The following KCNH7 variants were observed in gnomAD, a reference collection of about 807,000 sequenced individuals.
KCNH7 encodes the protein voltage-gated inwardly rectifying potassium channel KCNH7.
In KCNH7, 49 loss-of-function variants were observed where a neutral mutation model predicts 120.8. The ratio of observed to expected loss-of-function variants is 0.41; its 90% CI spans 0.32 to 0.51. The LOEUF (loss-of-function observed/expected upper bound fraction) is 0.51. KCNH7 is among the 20% of genes least tolerant of loss of function. KCNH7 has a pLI of 0.38. For missense variants in KCNH7, 1,097 were observed against 1,446.6 expected, an observed-to-expected ratio of 0.76 and a Z score of 3.92; for synonymous variants, 547 against 516.1, an observed-to-expected ratio of 1.06 and a Z score of -0.81.
intron 2 of KCNH7, among the ~76,000 whole-genome samples, chr2:162,835,628 A>G (rs994196997): frequency 1.3e-5 from 2 of 151,804 alleles, no homozygotes; most frequent in Non-Finnish European, 1.5e-5. Flanking sequence ...ATAGATATAT[A>G]TAGATATAGA....
chr2:162,604,731 C>T (rs1177213102), intron 2 of KCNH7, among the ~76,000 whole-genome samples: 1 of 151,992 alleles, frequency 6.6e-6, no homozygotes, highest in Non-Finnish European at 1.5e-5. Flanking sequence ...CTCTATTTAT[C>T]GTTTTTGATT....
chr2:162,721,414 C>T (rs1433336616), intron 2 of KCNH7, among the ~76,000 whole-genome samples: 1 of 152,070 alleles, frequency 6.6e-6, no homozygotes, highest in African/African-American at 2.4e-5. Context: ...TTTATTTTTA[C>T]CCCAATATCT....
intron 2 of KCNH7, among the ~76,000 whole-genome samples, chr2:162,668,472 A>G (rs532505766): frequency 6.6e-6 from 1 of 152,314 alleles, no homozygotes; most frequent in Admixed American, 6.5e-5. Context: ...ATCACAAGCC[A>G]CCACTGATGT....
chr2:162,710,148 T>C (rs1260571852), intron 2 of KCNH7, among the ~76,000 whole-genome samples: 1 of 152,116 alleles, frequency 6.6e-6, no homozygotes, highest in Non-Finnish European at 1.5e-5. Flanking sequence ...TCGTATGAAA[T>C]AAATCTGACA....
chr2:162,825,698 G>A (rs1685257321), intron 2 of KCNH7, among the ~76,000 whole-genome samples: 1 of 151,792 alleles, frequency 6.6e-6, no homozygotes, highest in Admixed American at 6.6e-5. Flanking sequence ...AATAATTGTT[G>A]GTAATATTCT....
chr2:162,808,656 T>C (rs954252167), intron 2 of KCNH7, among the ~76,000 whole-genome samples: 1 of 152,118 alleles, frequency 6.6e-6, no homozygotes. Context: ...CTTGATACTC[T>C]ATTTGTTCAG....
chr2:162,570,825 G>A (rs1171172219), intron 2 of KCNH7, among the ~76,000 whole-genome samples: 1 of 151,906 alleles, frequency 6.6e-6, no homozygotes, highest in Non-Finnish European at 1.5e-5. Context: ...TGCAGAAAAG[G>A]CCTTTGACAA....
chr2:162,640,381 T>C (rs1458974904), intron 2 of KCNH7, among the ~76,000 whole-genome samples: 3 of 152,066 alleles, frequency 2.0e-5, no homozygotes, highest in Non-Finnish European at 4.4e-5. Flanking sequence ...ACACAGTACC[T>C]AGAAATAGAC....
chr2:162,786,648 A>C (rs1255191068), intron 2 of KCNH7, among the ~76,000 whole-genome samples: 2 of 152,234 alleles, frequency 1.3e-5, no homozygotes, highest in Non-Finnish European at 2.9e-5. Context: ...ATTAAAAAAA[A>C]TTCTAAATGT....
At chr2:162,702,120 T>G (rs559529256) in intron 2 of KCNH7, among the ~76,000 whole-genome samples, 76 of 152,244 alleles carry the variant, frequency 5.0e-4, no homozygotes, top group Non-Finnish European at 9.1e-4. Flanking sequence ...AAAAATTTTT[T>G]CAAAATATTC....
intron 2 of KCNH7, among the ~76,000 whole-genome samples, chr2:162,645,054 T>C (rs1327331645): frequency 2.6e-5 from 4 of 152,202 alleles, no homozygotes; most frequent in Non-Finnish European, 4.4e-5. Flanking sequence ...TTCTGCTCTG[T>C]TTTAGCAAAA....
chr2:162,387,599 T>C (rs1686612689), intron 12 of KCNH7, among the ~76,000 whole-genome samples: 1 of 151,852 alleles, frequency 6.6e-6, no homozygotes, highest in Admixed American at 6.6e-5. Context: ...AAGTCTTGCC[T>C]GTTTAATTCA....
intron 6 of KCNH7, among the ~76,000 whole-genome samples, chr2:162,456,987 C>T (rs755450924): frequency 5.5e-4 from 84 of 151,896 alleles, no homozygotes; most frequent in Admixed American, 1.1e-3. Context: ...TCCTGTTTCC[C>T]TTTAATTTGT....
intron 2 of KCNH7, among the ~76,000 whole-genome samples, chr2:162,567,343 T>G (rs1303707812): frequency 3.3e-5 from 5 of 151,914 alleles, no homozygotes; most frequent in African/African-American, 1.2e-4. Flanking sequence ...CAAAAGCCAT[T>G]TGGTGAGGCT....
intron 2 of KCNH7, among the ~76,000 whole-genome samples, chr2:162,570,509 T>G (rs1693430751): frequency 6.6e-6 from 1 of 152,100 alleles, no homozygotes; most frequent in African/African-American, 2.4e-5. Context: ...GTCTTTTAAT[T>G]GGAGCATTTA....
chr2:162,454,978 A>G (rs1688909993), intron 6 of KCNH7, among the ~76,000 whole-genome samples: 1 of 152,016 alleles, frequency 6.6e-6, no homozygotes, highest in South Asian at 2.1e-4. Context: ...TACTATCTTG[A>G]ATAGGAGTGG....
At chr2:162,538,181 C>T (rs1692175960) in intron 2 of KCNH7, 1 of 152,052 alleles carries the variant, frequency 6.6e-6, no homozygotes, top group Non-Finnish European at 1.5e-5. Flanking sequence ...TGTGGCCCAA[C>T]ACAAATTTGT....
intron 2 of KCNH7, among the ~76,000 whole-genome samples, chr2:162,573,890 G>C (rs1693578004): frequency 6.6e-6 from 1 of 151,942 alleles, no homozygotes. Context: ...CAAGGACATT[G>C]TGGCATATAG....
chr2:162,784,389 G>T (rs1004955353), intron 2 of KCNH7, among the ~76,000 whole-genome samples: 51 of 152,110 alleles, frequency 3.4e-4, no homozygotes, highest in African/African-American at 1.1e-3. Context: ...CTGGCATATT[G>T]ACCACTACTG....
Sources: allele counts gnomAD v4.1 joint callset (sites outside exome capture counted in the v4.1 genomes callset), GRCh38; gene constraint gnomAD v4.1.1; transcripts MANE v1.5; gene names NCBI Gene and HGNC (gene_info 2026-07-23, HGNC 2026-07-21).